The following TPCN2 variants were observed in gnomAD, a reference collection of about 807,000 sequenced individuals.
TPCN2 encodes the protein two pore channel protein 2.
TPCN2 carries 92 observed loss-of-function variants against 111.4 expected under a neutral mutation model. The observed-to-expected ratio is 0.83, with a 90% CI of 0.70 to 0.98. The LOEUF is 0.98. Among genes scored for constraint, TPCN2 ranks in the 50% least tolerant of loss-of-function variants. The probability of loss-of-function intolerance (pLI) is 0.00; values close to 1 mark genes in which losing one functional copy is unlikely to be tolerated. For synonymous variants in TPCN2, 405 were observed against 414.5 expected, an observed-to-expected ratio of 0.98 and a Z score of 0.28; for missense variants, 995 against 980.1, an observed-to-expected ratio of 1.02 and a Z score of -0.20.
At chr11:69,062,203 T>C (rs933705254) in intron 5 of TPCN2, among the ~76,000 whole-genome samples, 1 of 152,080 alleles carries the variant, frequency 6.6e-6, no homozygotes, top group Non-Finnish European at 1.5e-5. Context: ...CCTGAAGTCA[T>C]TGCTGCAGGG....
intron 12 of TPCN2, 56 bp downstream of exon 12, chr11:69,072,764 C>G: frequency 6.3e-7 from 1 of 1,597,396 alleles, no homozygotes; most frequent in Non-Finnish European, 8.6e-7. Context: ...GTCACTTGGG[C>G]CAGCAGCCCC....
intron 5 of TPCN2, among the ~76,000 whole-genome samples, chr11:69,060,331 C>A (rs556403039): frequency 9.8e-5 from 15 of 152,348 alleles, no homozygotes; most frequent in Non-Finnish European, 2.1e-4. Context: ...TCATTCAGCA[C>A]GTCTGCAAAC....
chr11:69,082,913 G>T (rs1181400027), intron 18 of TPCN2, among the ~76,000 whole-genome samples: 1 of 150,520 alleles, frequency 6.6e-6, no homozygotes, highest in Non-Finnish European at 1.5e-5. Context: ...AGATATCCAC[G>T]TGAACTCGTG....
At chr11:69,050,616 G>C (rs1463090895) in intron 1 of TPCN2, among the ~76,000 whole-genome samples, 1 of 152,242 alleles carries the variant, frequency 6.6e-6, no homozygotes, top group African/African-American at 2.4e-5. Context: ...GACCTCGGGT[G>C]ATCTGCCTGC....
In TPCN2 at chr11:69,088,044, A is replaced by G. The variant is rs1057486359; in HGVS notation, c.*91A>G. On this transcript the variant is annotated 3_prime_UTR_variant, in exon 25 of 25. Transcript: ENST00000294309. ...TGGAAGAGGCGGCCATGCTGTGGCCAGCCAGGCAGGAAGAGACCTTTCCTC... is the reference window on the plus strand; with the variant it reads ...TGGAAGAGGCGGCCATGCTGTGGCCGGCCAGGCAGGAAGAGACCTTTCCTC... 2.6e-6 allele frequency: 3 copies of G among 1,173,886 alleles called. No individual in the cohort carries two copies. The highest frequency in any genetic ancestry group is 3.1e-5 in the African/African-American group (2 of 65,340). 72.7% of individuals were successfully genotyped at this position (1,173,886 alleles called of 1,614,324 possible). A position where few individuals can be genotyped will look rare whatever the true frequency, so the allele number is the denominator to read the frequency against.
chr11:69,065,251 G>A (rs1318982698), intron 7 of TPCN2, among the ~76,000 whole-genome samples: 1 of 152,176 alleles, frequency 6.6e-6, no homozygotes, highest in Admixed American at 6.5e-5. Flanking sequence ...CTGTGTGACC[G>A]TCCAGTGACC....
At chr11:69,065,793 G>A (rs549009071) in intron 7 of TPCN2, among the ~76,000 whole-genome samples, 22 of 152,344 alleles carry the variant, frequency 1.4e-4, no homozygotes, top group East Asian at 3.9e-4. Flanking sequence ...CCCAGCAGCC[G>A]TGATGGTGCT....
intron 19 of TPCN2, chr11:69,084,542 C>A (rs1418307203): frequency 1.0e-6 from 1 of 981,722 alleles, no homozygotes. Context: ...GCCTGGTGGC[C>A]GGGCTTGGGC....
intron 17 of TPCN2, 52 bp downstream of exon 17, chr11:69,079,935 C>A (rs1270251568): frequency 1.3e-6 from 2 of 1,581,280 alleles, no homozygotes; most frequent in Admixed American, 1.7e-5. Context: ...CACCACCACC[C>A]AGCGCCCCTG....
At chr11:69,062,843 A>T in intron 5 of TPCN2, 41 bp from the exon 6 acceptor site, 1 of 1,582,140 alleles carries the variant, frequency 6.3e-7, no homozygotes, top group Non-Finnish European at 8.7e-7. Context: ...GGGTAGAACT[A>T]AGCACTTGAC....
rs996788138 is a variant in TPCN2 at position 69,085,798 on chromosome 11, C to T, written c.1920+46C>T. 5 of 1,612,710 alleles carry T rather than the reference C, an allele frequency of 3.1e-6. No individual in the cohort carries two copies. The African/African-American group carries it at 6.7e-5, about 22-fold the overall frequency. On this transcript the variant is annotated intron_variant, in intron 21 of 24. Transcript: ENST00000294309. ...CAGCACCCTGCTCCCCGGGCTCCTC[C>T]CCTCCCTACCTCCTGGGCCCTCCTG...
At chr11:69,053,510 GA>G (rs1195436741) in intron 1 of TPCN2, among the ~76,000 whole-genome samples, 5 of 152,158 alleles carry the variant, frequency 3.3e-5, no homozygotes, top group African/African-American at 1.2e-4. Context: ...CCTGGCTCAT[GA>G]AGACTGTGCA....
chr11:69,065,176 CTG>C (rs1410682533), intron 7 of TPCN2, among the ~76,000 whole-genome samples: 2 of 152,072 alleles, frequency 1.3e-5, no homozygotes, highest in Non-Finnish European at 2.9e-5. Context: ...GTGTGCCTGT[CTG>C]TGGGTGGTGG....
rs777981779 is a variant in TPCN2 at position 69,085,699 on chromosome 11, T to A, written c.1867T>A (p.Cys623Ser). The change falls in exon 21 of 25, where the codon TGT (cysteine) becomes AGT (serine). Residue 623 changes from cysteine to serine, a missense_variant. Cys to Ser is a moderately radical substitution (Grantham distance 112). Coordinates refer to ENST00000294309, the MANE Select transcript of TPCN2 (RefSeq NM_139075.4). The stretch of plus-strand genomic sequence containing the variant: ...GGCCCCTGCCAATGGCTCGGCGCCC[T>A]GTGGGAGCTTCGAGCAGCTGGAGTA... ...SLAPANGSAP[C>S]GSFEQLEYWA... 1 of 1,613,836 alleles carries A rather than the reference T, an allele frequency of 6.2e-7. No individual in the cohort carries two copies. The highest frequency in any genetic ancestry group is 8.5e-7 in the Non-Finnish European group (1 of 1,179,848).
In TPCN2 at chr11:69,088,021, G is replaced by A. The variant is rs979044872; in HGVS notation, c.*68G>A. On this transcript the variant is annotated 3_prime_UTR_variant, in exon 25 of 25. Transcript: ENST00000294309. Reference sequence around the variant, plus strand: ...CTGGCCTACACAGGTGCCCGTCATGGAAGAGGCGGCCATGCTGTGGCCAGC... The same window carrying A: ...CTGGCCTACACAGGTGCCCGTCATGAAAGAGGCGGCCATGCTGTGGCCAGC... 139 of 1,405,480 alleles carry A rather than the reference G, an allele frequency of 9.9e-5. 1 individual carries two copies. In the Middle Eastern group the frequency reaches 2.0e-3, roughly 20 times the overall value. The allele number at this position is 1,405,480 out of a possible 1,614,324, so 87.1% of individuals were successfully genotyped here.
At position 69,086,508 on chromosome 11, in the gene TPCN2, C is replaced by G. The variant is rs758913889; in HGVS notation, c.2004-15C>G. Reference sequence around the variant, plus strand: ...GCTCATCGTGGTTCACAGGGTGGGTCTCTGTCCTCCGCAGGTGGTCCAAGA... The same window carrying G: ...GCTCATCGTGGTTCACAGGGTGGGTGTCTGTCCTCCGCAGGTGGTCCAAGA... On this transcript the variant is annotated splice_polypyrimidine_tract_variant and intron_variant, in intron 22 of 24. Transcript: ENST00000294309. 1.2e-5 allele frequency: 19 copies of G among 1,612,726 alleles called. No individual in the cohort carries two copies. Among genetic ancestry groups the G allele is most frequent in the East Asian group, 4.5e-5 (2 of 44,858 alleles).
chr11:69,049,091 A>G lies in TPCN2; in HGVS notation c.94A>G (p.Ile32Val). 1 of 1,242,088 alleles carries G rather than the reference A, an allele frequency of 8.1e-7. No homozygotes were observed. The highest frequency in any genetic ancestry group is 1.0e-6 in the Non-Finnish European group (1 of 987,838). 76.9% of individuals were successfully genotyped at this position (1,242,088 alleles called of 1,614,324 possible). Residue 32 changes from isoleucine (I) to valine (V), a missense_variant, in exon 1 of 25, where the codon ATC becomes GTC. Ile to Val is a conservative substitution (Grantham distance 29). Transcript: ENST00000294309. ...WPAGLTTYRSIQVGPGAAARW... is the reference protein window; with the variant it reads ...WPAGLTTYRSVQVGPGAAARW... ...GGCGGGGCTGACCACTTACCGCAGCATCCAAGTCGGCCCTGGTGAGCCGCC... is the reference window on the plus strand; with the variant it reads ...GGCGGGGCTGACCACTTACCGCAGCGTCCAAGTCGGCCCTGGTGAGCCGCC...
At chr11:69,055,407 G>A (rs772693267) in intron 4 of TPCN2, 55 bp downstream of exon 4, 9 of 1,488,750 alleles carry the variant, frequency 6.0e-6, no homozygotes, top group South Asian at 1.3e-5. Flanking sequence ...GCGCCTGGCC[G>A]CTGCTCTCCT....
At chr11:69,078,705 C>T in intron 14 of TPCN2, 29 bp from the exon 15 acceptor site, 1 of 1,613,662 alleles carries the variant, frequency 6.2e-7, no homozygotes, top group South Asian at 1.1e-5. Context: ...GCTGGGCCAG[C>T]CGGCGAGCCC....
Sources: gnomAD v4.1 joint callset for allele counts (sites outside exome capture counted in the v4.1 genomes callset) on GRCh38, gnomAD v4.1.1 for gene constraint, MANE v1.5 for transcripts, NCBI Gene and HGNC (gene_info 2026-07-23, HGNC 2026-07-21) for gene names.